Variants in SOCS7 observed in about 807,000 individuals in gnomAD.
SOCS7 encodes the protein suppressor of cytokine signaling 7, also known as NAP-4.
Under a neutral mutation model 58.9 loss-of-function variants are expected in SOCS7, and 18 were observed. The observed-to-expected ratio is 0.31, with a 90% confidence interval of 0.21 to 0.45. The LOEUF is 0.45. Ranked by LOEUF, SOCS7 falls within the 20% of genes least tolerant of loss-of-function variation. The pLI is 1.00. For synonymous variants in SOCS7, 388 were observed against 364.3 expected, an observed-to-expected ratio of 1.06 and a Z score of -0.74; for missense variants, 667 against 837.3, an observed-to-expected ratio of 0.80 and a Z score of 2.51.
intron 7 of SOCS7, among the ~76,000 whole-genome samples, chr17:38,390,651 CCTTCCTTCCTTCCT>C (rs2038159455): frequency 1.7e-5 from 2 of 115,178 alleles, no homozygotes; most frequent in South Asian, 5.9e-4. Context: ...TTCCTTCCTT[CCTTCCTTCCTTCCT>C]TCCTTCCTTC....
In SOCS7 at chr17:38,366,268, C is replaced by T; in HGVS notation, c.1253-19C>T. On this transcript the variant is annotated intron_variant, in intron 4 of 9. Transcript: ENST00000612932. The stretch of plus-strand genomic sequence containing the variant: ...AGCAGTGAGGGTAAACAAGTGACCA[C>T]CACTGTCTTGCCCTGCAGATGCATT... 1 of 1,612,654 alleles carries T rather than the reference C, an allele frequency of 6.2e-7. No homozygotes were observed. Among genetic ancestry groups the T allele is most frequent in the Non-Finnish European group, 8.5e-7 (1 of 1,179,266 alleles).
At chr17:38,355,145 C>T (rs1233591280) in intron 1 of SOCS7, among the ~76,000 whole-genome samples, 5 of 152,122 alleles carry the variant, frequency 3.3e-5, no homozygotes, top group Admixed American at 2.6e-4. Context: ...AGGCAGCATG[C>T]TGTATAGAGA....
At position 38,361,848 on chromosome 17, in the gene SOCS7, C is replaced by T. The variant is rs770957993; in HGVS notation, c.1045+73C>T. The stretch of plus-strand genomic sequence containing the variant: ...TCTGAGACCTGTTGGGAAACACTTA[C>T]AGATGCATCACAGGGAGCTGTAGGC... On this transcript the variant is annotated intron_variant, in intron 2 of 9. Transcript: ENST00000612932. 9.5e-6 allele frequency: 10 copies of T among 1,055,702 alleles called. No individual in the cohort carries two copies. The African/African-American group carries it at 1.4e-4, about 15-fold the overall frequency. 65.4% of individuals were successfully genotyped at this position (1,055,702 alleles called of 1,614,324 possible). A position where few individuals can be genotyped will look rare whatever the true frequency, so the allele number is the denominator to read the frequency against.
At chr17:38,395,288 C>T in intron 7 of SOCS7, 21 bp from the exon 8 acceptor site, 4 of 1,612,760 alleles carry the variant, frequency 2.5e-6, no homozygotes, top group Non-Finnish European at 2.5e-6. Flanking sequence ...TGAATACTTT[C>T]CTTTGTTTTC....
intron 6 of SOCS7, among the ~76,000 whole-genome samples, chr17:38,372,437 G>T (rs184171053): frequency 6.6e-6 from 1 of 152,178 alleles, no homozygotes; most frequent in Non-Finnish European, 1.5e-5. Context: ...GTGTACTACC[G>T]TAATATTTCA....
At chr17:38,365,471 A>G in intron 4 of SOCS7, 62 bp downstream of exon 4, 11 of 1,063,846 alleles carry the variant, frequency 1.0e-5, no homozygotes, top group South Asian at 1.6e-5. Context: ...ACTTTCTACC[A>G]TAGAAGGATG....
intron 2 of SOCS7, among the ~76,000 whole-genome samples, chr17:38,364,248 T>C (rs922684037): frequency 1.5e-4 from 23 of 152,242 alleles, no homozygotes; most frequent in African/African-American, 5.1e-4. Flanking sequence ...AATCAAGATA[T>C]GGACTGCCCT....
intron 7 of SOCS7, among the ~76,000 whole-genome samples, chr17:38,383,009 C>T (rs886371630): frequency 2.0e-5 from 3 of 151,936 alleles, no homozygotes; most frequent in African/African-American, 7.3e-5. Context: ...TCACCCCCAC[C>T]CCAAGCTGTG....
rs550584285 is a variant in SOCS7, at chr17:38,396,335, C to T, written c.*30+337C>T. On this transcript the variant is annotated intron_variant, in intron 9 of 9. Transcript: ENST00000612932. ...GAAAAAAATAAGAAGAAGAGTGCAG[C>T]CTCCTCTCATACAGACTTGGGCTGA... Among the ~76,000 whole-genome samples the T allele has an allele frequency of 2.6e-5, 4 of 152,310 alleles. No individual in the cohort carries two copies. The South Asian group carries it at 8.3e-4, about 32-fold the overall frequency.
At chr17:38,376,092 AAAC>A (rs1686426105) in intron 6 of SOCS7, 1 of 152,238 alleles carries the variant, frequency 6.6e-6, no homozygotes, top group Admixed American at 6.5e-5. Context: ...GACCAGTATT[AAAC>A]AGTGAAATAT....
intron 6 of SOCS7, among the ~76,000 whole-genome samples, chr17:38,374,854 G>GAGACTGTTTTGAGTTATTTT (rs2037911724): frequency 6.6e-6 from 1 of 152,264 alleles, no homozygotes; most frequent in African/African-American, 2.4e-5. Context: ...GAGGTTATTT[G>GAGACTGTTTTGAGTTATTTT]AGACTGCTTT....
intron 7 of SOCS7, among the ~76,000 whole-genome samples, chr17:38,382,437 C>CA (rs1190332565): frequency 0.037 from 2,481 of 67,658 alleles, 61 homozygotes; most frequent in African/African-American, 0.06. Flanking sequence ...GACCCTATCT[C>CA]AAAAAAAAAA....
chr17:38,379,819 A>G, intron 7 of SOCS7, among the ~76,000 whole-genome samples: 1 of 152,230 alleles, frequency 6.6e-6, no homozygotes, highest in East Asian at 1.9e-4. Flanking sequence ...TCTGCTTAGC[A>G]GTTTTTAAAG....
At chr17:38,362,385 G>A (rs996388292) in intron 2 of SOCS7, among the ~76,000 whole-genome samples, 3 of 152,180 alleles carry the variant, frequency 2.0e-5, no homozygotes, top group African/African-American at 4.8e-5. Context: ...TTCTCGTTTC[G>A]TAGGGAGCTT....
At chr17:38,353,605 G>C (rs147163239) in intron 1 of SOCS7, among the ~76,000 whole-genome samples, 2 of 152,230 alleles carry the variant, frequency 1.3e-5, no homozygotes, top group African/African-American at 4.8e-5. Flanking sequence ...CACTGTCTCT[G>C]AGAATAGAAA....
At position 38,355,946 on chromosome 17, in the gene SOCS7, C is replaced by T. The variant is rs587684308; in HGVS notation, c.980+2914C>T. Reference sequence around the variant, plus strand: ...TCGCCCAGGCTGGAGTGCAGTGGTGCGATCTTGGCTTACTGCAACCTCTGC... The same window carrying T: ...TCGCCCAGGCTGGAGTGCAGTGGTGTGATCTTGGCTTACTGCAACCTCTGC... On this transcript the variant is annotated intron_variant, in intron 1 of 9. Coordinates refer to ENST00000612932, the MANE Select transcript of SOCS7 (RefSeq NM_014598.4). 3.3e-5 allele frequency among the ~76,000 whole-genome samples: 5 copies of T among 152,154 alleles called. No homozygotes were observed. The East Asian group carries it at 5.8e-4, about 18-fold the overall frequency.
intron 7 of SOCS7, among the ~76,000 whole-genome samples, chr17:38,388,108 T>C (rs2038104533): frequency 6.6e-6 from 1 of 152,090 alleles, no homozygotes; most frequent in Admixed American, 6.6e-5. Context: ...ATTACAGTTA[T>C]AATTATTGAA....
chr17:38,369,145 A>T (rs1460250842), intron 6 of SOCS7, among the ~76,000 whole-genome samples: 1 of 152,216 alleles, frequency 6.6e-6, no homozygotes, highest in Non-Finnish European at 1.5e-5. Flanking sequence ...GAAAAAGCAT[A>T]GAGAACTTTG....
intron 7 of SOCS7, among the ~76,000 whole-genome samples, chr17:38,383,143 A>G (rs761314742): frequency 6.6e-6 from 1 of 152,170 alleles, no homozygotes; most frequent in Non-Finnish European, 1.5e-5. Flanking sequence ...GTGCTACCCC[A>G]GGTCCTGCCA....
Sources: gnomAD v4.1 joint callset for allele counts (sites outside exome capture counted in the v4.1 genomes callset) on GRCh38, gnomAD v4.1.1 for gene constraint, MANE v1.5 for transcripts, NCBI Gene and HGNC (gene_info 2026-07-23, HGNC 2026-07-21) for gene names.